Variants in DNAJC13 observed in about 807,000 individuals in gnomAD.
DNAJC13 encodes DnaJ heat shock protein family (Hsp40) member C13.
Under a neutral mutation model 290.5 loss-of-function variants are expected in DNAJC13, and 75 were observed. The ratio of observed to expected loss-of-function variants is 0.26; its 90% CI spans 0.21 to 0.31. The LOEUF (loss-of-function observed/expected upper bound fraction) is 0.31. DNAJC13 is among the 10% of genes least tolerant of loss of function. The probability of loss-of-function intolerance (pLI) is 1.00; values close to 1 mark genes in which losing one functional copy is unlikely to be tolerated. For missense variants in DNAJC13, 2,260 were observed against 2,674.5 expected, an observed-to-expected ratio of 0.85 and a Z score of 3.42; for synonymous variants, 862 against 892.0, an observed-to-expected ratio of 0.97 and a Z score of 0.60.
At chr3:132,478,180 C>T in intron 24 of DNAJC13, 40 bp downstream of exon 24, 1 of 1,523,630 alleles carries the variant, frequency 6.6e-7, no homozygotes, top group South Asian at 1.3e-5. Flanking sequence ...TTGATAGTGT[C>T]ACTAGGGTAT....
intron 1 of DNAJC13, among the ~76,000 whole-genome samples, chr3:132,424,843 A>C (rs1329395399): frequency 6.6e-6 from 1 of 152,048 alleles, no homozygotes; most frequent in Non-Finnish European, 1.5e-5. Context: ...GGTATCATAC[A>C]TATTACACAT....
In DNAJC13 at chr3:132,525,613, G is replaced by C; in HGVS notation, c.6064G>C (p.Glu2022Gln). The C allele has an allele frequency of 6.2e-7, 1 of 1,613,650 alleles. No individual in the cohort carries two copies. The highest frequency in any genetic ancestry group is 8.5e-7 in the Non-Finnish European group (1 of 1,179,826). ...TATTTTTGTTTTACACCTGCAGGGA[G>C]AAACTCTGGAAACCTTGACAATGGC... Reference protein sequence around the residue: ...ELLEKNNPHGETLETLTMATV... With the variant: ...ELLEKNNPHGQTLETLTMATV... The change falls in exon 52 of 56, where the codon GAA (glutamate) becomes CAA (glutamine). Residue 2022 changes from glutamate to glutamine, a missense_variant. By Grantham distance (29) the Glu-to-Gln change is conservative (BLOSUM62 2). Around this residue, in one of 3 missense-constraint regions of DNAJC13, gnomAD observed 1,494 missense variants for 1,693.7 expected, o/e 0.88. Transcript: ENST00000260818.
chr3:132,483,631 G>A (rs1371078085), intron 28 of DNAJC13, 54 bp downstream of exon 28: 1 of 1,524,014 alleles, frequency 6.6e-7, no homozygotes, highest in African/African-American at 1.4e-5. Flanking sequence ...CTTAGTAACA[G>A]CATAGAATCG....
chr3:132,455,081 AAGAC>A (rs1257785812), intron 9 of DNAJC13, among the ~76,000 whole-genome samples: 32 of 152,346 alleles, frequency 2.1e-4, no homozygotes, highest in African/African-American at 7.5e-4. Context: ...AGAAAAAGAA[AAGAC>A]AGATCGCAGG....
At chr3:132,457,515 A>G (rs1933650550) in intron 13 of DNAJC13, 147 bp downstream of exon 13, 2 of 626,932 alleles carry the variant, frequency 3.2e-6, no homozygotes, top group Admixed American at 3.1e-5. Flanking sequence ...TTTGTTTAGC[A>G]TATCCTAAAT....
rs542865691 is a variant in DNAJC13, at chr3:132,499,114, T to C, written c.4157-12T>C. The C allele has an allele frequency of 4.5e-6, 7 of 1,562,192 alleles. No homozygotes were observed. The highest frequency in any genetic ancestry group is 5.2e-6 in the Non-Finnish European group (6 of 1,148,320). On this transcript the variant is annotated splice_polypyrimidine_tract_variant and intron_variant, in intron 36 of 55. Coordinates refer to ENST00000260818, the MANE Select transcript of DNAJC13 (RefSeq NM_015268.4). Reference sequence around the variant, plus strand: ...GTTTTGTTTTTCTAACACTAACCATTGGTTATTTCAGATTTACAGCCTTAT... The same window carrying C: ...GTTTTGTTTTTCTAACACTAACCATCGGTTATTTCAGATTTACAGCCTTAT...
At chr3:132,421,436 T>C (rs1014265963) in intron 1 of DNAJC13, among the ~76,000 whole-genome samples, 1 of 152,184 alleles carries the variant, frequency 6.6e-6, no homozygotes, top group Non-Finnish European at 1.5e-5. Flanking sequence ...GAGGCTTGTA[T>C]CTTTACATGG....
intron 32 of DNAJC13, 126 bp from the exon 33 acceptor site, chr3:132,492,288 A>G: frequency 9.3e-7 from 1 of 1,072,264 alleles, no homozygotes; most frequent in Non-Finnish European, 1.4e-6. Context: ...AAAAGCTCTC[A>G]TTTTAGGATA....
At chr3:132,495,205 C>T (rs1162388521) in intron 35 of DNAJC13, 39 bp downstream of exon 35, 1 of 1,511,278 alleles carries the variant, frequency 6.6e-7, no homozygotes, top group Non-Finnish European at 9.2e-7. Flanking sequence ...TGGGCTTCCT[C>T]TTGCTCTATT....
At chr3:132,521,794 C>A (rs1474758843) in intron 48 of DNAJC13, among the ~76,000 whole-genome samples, 1 of 152,142 alleles carries the variant, frequency 6.6e-6, no homozygotes, top group African/African-American at 2.4e-5. Flanking sequence ...AAGAAATAAG[C>A]CTGTGAAACC....
chr3:132,428,509 C>T (rs951745770), intron 1 of DNAJC13, among the ~76,000 whole-genome samples: 1 of 151,956 alleles, frequency 6.6e-6, no homozygotes, highest in Non-Finnish European at 1.5e-5. Flanking sequence ...GGGGTCTTGC[C>T]ATGTTGCCCA....
At chr3:132,433,998 G>A (rs1186866615) in intron 1 of DNAJC13, among the ~76,000 whole-genome samples, 5 of 152,200 alleles carry the variant, frequency 3.3e-5, no homozygotes, top group Non-Finnish European at 1.5e-5. Flanking sequence ...AGGATCATGA[G>A]GTCAGGAGAT....
At position 132,512,866 on chromosome 3, in the gene DNAJC13, C is replaced by T. The variant is rs1189440726; in HGVS notation, c.5294-142C>T. 8 of 675,588 alleles carry T rather than the reference C, an allele frequency of 1.2e-5. 1 individual carries two copies. The highest frequency in any genetic ancestry group is 1.1e-4 in the African/African-American group (6 of 55,106). The allele number at this position is 675,588 out of a possible 1,614,324, so 41.8% of individuals were successfully genotyped here. Reference sequence around the variant, plus strand: ...AGACTTATTGTTCCTTAGAGGTCCTCCACTTACTTCATGTCACAGATGTTT... The same window carrying T: ...AGACTTATTGTTCCTTAGAGGTCCTTCACTTACTTCATGTCACAGATGTTT... On this transcript the variant is annotated intron_variant, in intron 44 of 55. Transcript: ENST00000260818.
rs369103542 is a variant in DNAJC13, at chr3:132,453,073, G to T, written c.538-225G>T. On this transcript the variant is annotated intron_variant, in intron 6 of 55. Coordinates refer to ENST00000260818, the MANE Select transcript of DNAJC13 (RefSeq NM_015268.4). Reference sequence around the variant, plus strand: ...TGAGAACCAGAACCTGAGAAATTTTGAGATAATTGCCGTTCAGTGAGTTAG... The same window carrying T: ...TGAGAACCAGAACCTGAGAAATTTTTAGATAATTGCCGTTCAGTGAGTTAG... Among the ~76,000 whole-genome samples the T allele has an allele frequency of 9.2e-5, 14 of 152,278 alleles. No homozygotes were observed. In the East Asian group the frequency reaches 2.5e-3, roughly 27 times the overall value.
intron 22 of DNAJC13, among the ~76,000 whole-genome samples, chr3:132,476,681 TC>T (rs1395949263): frequency 1.3e-5 from 2 of 152,354 alleles, no homozygotes. Flanking sequence ...CACACTCTGT[TC>T]CAGCCAAATA....
chr3:132,538,138 G>T, intron 55 of DNAJC13, 38 bp from the exon 56 acceptor site: 1 of 1,558,744 alleles, frequency 6.4e-7, no homozygotes, highest in Non-Finnish European at 8.8e-7. Context: ...TCACTTGACT[G>T]CTTTCTAGAG....
At position 132,478,154 on chromosome 3, in the gene DNAJC13, T is replaced by C. The variant is rs768541351; in HGVS notation, c.2709+14T>C. The C allele has an allele frequency of 2.5e-6, 4 of 1,581,738 alleles. No homozygotes were observed. Among genetic ancestry groups the C allele is most frequent in the Non-Finnish European group, 3.4e-6 (4 of 1,168,026 alleles). The stretch of plus-strand genomic sequence containing the variant: ...ATGTTAGAGAGGGTAAGGATATCAT[T>C]TAAGGAAATTACTATTTGATAGTGT... On this transcript the variant is annotated intron_variant, in intron 24 of 55. Transcript: ENST00000260818.
At chr3:132,497,829 CT>C (rs1576501134) in intron 36 of DNAJC13, among the ~76,000 whole-genome samples, 1 of 151,712 alleles carries the variant, frequency 6.6e-6, no homozygotes, top group East Asian at 1.9e-4. Context: ...TAGTTATTCA[CT>C]GTTCTTTCTT....
Position 132,440,027 on chromosome 3 carries a change from G to A in DNAJC13, c.68+5409G>A, listed in dbSNP as rs369075976. On this transcript the variant is annotated intron_variant, in intron 2 of 55. Coordinates refer to ENST00000260818, the MANE Select transcript of DNAJC13 (RefSeq NM_015268.4). ...AATCCGAGCACTTTGGGAGGCCAAG[G>A]CTGGAGGATCACTTGAGGTCAGGAG... 3.3e-4 allele frequency among the ~76,000 whole-genome samples: 51 copies of A among 152,340 alleles called. No individual in the cohort carries two copies. The East Asian group carries it at 7.5e-3, about 22-fold the overall frequency.
Sources: gnomAD v4.1 joint callset for allele counts (sites outside exome capture counted in the v4.1 genomes callset) on GRCh38, gnomAD v4.1.1 for gene constraint, gnomAD v4.1.1 regional missense constraint, MANE v1.5 for transcripts, NCBI Gene and HGNC (gene_info 2026-07-23, HGNC 2026-07-21) for gene names.